Variants in THADA observed in about 807,000 individuals in gnomAD.
THADA encodes the protein THADA armadillo repeat containing.
THADA carries 213 observed loss-of-function variants against 219.8 expected under a neutral mutation model. That is an observed-to-expected ratio of 0.97 (90% CI 0.87 to 1.09). The LOEUF (loss-of-function observed/expected upper bound fraction) is 1.09, where lower values mean the gene tolerates loss of function less well. Among genes scored for constraint, THADA ranks in the 50% least tolerant of loss-of-function variants. THADA has a pLI of 0.00. For missense variants in THADA, 2,956 were observed against 2,311.3 expected, an observed-to-expected ratio of 1.28 and a Z score of -5.72; for synonymous variants, 1,018 against 828.9, an observed-to-expected ratio of 1.23 and a Z score of -3.92.
intron 28 of THADA, among the ~76,000 whole-genome samples, chr2:43,404,333 C>T (rs1317294027): frequency 3.3e-5 from 5 of 151,500 alleles, no homozygotes; most frequent in African/African-American, 7.3e-5. Context: ...GCTGGGATTA[C>T]GGTTGGGTGC....
At chr2:43,452,788 G>A (rs1259041993) in intron 26 of THADA, among the ~76,000 whole-genome samples, 2 of 152,168 alleles carry the variant, frequency 1.3e-5, no homozygotes, top group Non-Finnish European at 2.9e-5. Flanking sequence ...CTAATCATCT[G>A]CTGTTACAAA....
chr2:43,386,131 C>T (rs1672650749), intron 29 of THADA, among the ~76,000 whole-genome samples: 1 of 151,872 alleles, frequency 6.6e-6, no homozygotes, highest in African/African-American at 2.4e-5. Flanking sequence ...CTATAACACA[C>T]AACCCACTAA....
At chr2:43,457,133 T>C (rs1683101245) in intron 26 of THADA, among the ~76,000 whole-genome samples, 1 of 126,152 alleles carries the variant, frequency 7.9e-6, no homozygotes, top group African/African-American at 2.9e-5. Context: ...TTAGGATATC[T>C]ACACACACAC....
At chr2:43,316,079 G>C (rs1324324478) in intron 31 of THADA, among the ~76,000 whole-genome samples, 1 of 152,080 alleles carries the variant, frequency 6.6e-6, no homozygotes, top group Non-Finnish European at 1.5e-5. Flanking sequence ...CTTGATTTGT[G>C]CCCTTACAGC....
chr2:43,403,198 T>G lies in THADA; in HGVS notation c.4059-5059A>C, dbSNP rs952929536. Among the ~76,000 whole-genome samples the G allele has an allele frequency of 2.6e-5, 4 of 152,192 alleles. No homozygotes were observed. The South Asian group carries it at 8.3e-4, about 31-fold the overall frequency. ...CTACAAAATTCAGTCTTTCTAAGAC[T>G]TTACAACGCAGTTGCCTCAAAATCC... On this transcript the variant is annotated intron_variant, in intron 28 of 37. Coordinates refer to ENST00000405975, the MANE Select transcript of THADA (RefSeq NM_022065.5).
Position 43,297,658 on chromosome 2 carries a change from C to T in THADA, c.4439-4445G>A, listed in dbSNP as rs868465516. Among the ~76,000 whole-genome samples the T allele has an allele frequency of 1.3e-3, 126 of 97,794 alleles. 5 individuals are homozygous for T. Among genetic ancestry groups the T allele is most frequent in the South Asian group, 5.1e-3 (14 of 2,726 alleles). 64.2% of individuals were successfully genotyped at this position (97,794 alleles called of 152,430 possible). A position where few individuals can be genotyped will look rare whatever the true frequency, so the allele number is the denominator to read the frequency against. On this transcript the variant is annotated intron_variant, in intron 31 of 37. Transcript: ENST00000405975. ...CCGGGAGGTGAGGGGCGCCTCTGCC[C>T]AGCCACCCCTACTGGGAAGTGAGGA...
In THADA at chr2:43,522,676, C is replaced by T. The variant is rs116078042; in HGVS notation, c.3374+5203G>A. ...ACTTTTTAAATGAGTGTTCAAATAT[C>T]GAGGAAAAACAGTAATATCTGACTC... On this transcript the variant is annotated intron_variant, in intron 22 of 37. Coordinates refer to ENST00000405975, the MANE Select transcript of THADA (RefSeq NM_022065.5). Among the ~76,000 whole-genome samples the T allele has an allele frequency of 6.4e-3, 978 of 152,112 alleles. 9 individuals are homozygous for T. The highest frequency in any genetic ancestry group is 0.044 in the Middle Eastern group (13 of 294).
chr2:43,331,633 T>C (rs1266019795), intron 30 of THADA, among the ~76,000 whole-genome samples: 1 of 152,170 alleles, frequency 6.6e-6, no homozygotes, highest in Non-Finnish European at 1.5e-5. Flanking sequence ...TGGCCCATGA[T>C]ACATCACATG....
intron 14 of THADA, among the ~76,000 whole-genome samples, chr2:43,569,514 G>A (rs1438564745): frequency 6.6e-6 from 1 of 152,128 alleles, no homozygotes; most frequent in Non-Finnish European, 1.5e-5. Flanking sequence ...AGGTTGTGAC[G>A]TCCCAATCTT....
intron 26 of THADA, among the ~76,000 whole-genome samples, chr2:43,454,208 T>A (rs930628834): frequency 6.6e-6 from 1 of 152,180 alleles, no homozygotes; most frequent in African/African-American, 2.4e-5. Flanking sequence ...TAATTGCAAT[T>A]AATATGCACT....
At chr2:43,261,362 T>G (rs1670923566) in intron 36 of THADA, among the ~76,000 whole-genome samples, 1 of 151,690 alleles carries the variant, frequency 6.6e-6, no homozygotes, top group Non-Finnish European at 1.5e-5. Flanking sequence ...TAGCTGGGAC[T>G]ACAGGCATGC....
At chr2:43,413,005 C>A (rs1442844232) in intron 28 of THADA, among the ~76,000 whole-genome samples, 1 of 152,034 alleles carries the variant, frequency 6.6e-6, no homozygotes, top group Non-Finnish European at 1.5e-5. Context: ...TCAATACACA[C>A]AGGGAAAAAA....
chr2:43,235,133 C>G (rs910287678), intron 36 of THADA, among the ~76,000 whole-genome samples: 1 of 150,908 alleles, frequency 6.6e-6, no homozygotes, highest in African/African-American at 2.4e-5. Context: ...GCTCCTGCCA[C>G]CATGGCTGGC....
chr2:43,526,495 A>T (rs998185845), intron 22 of THADA, among the ~76,000 whole-genome samples: 2 of 152,208 alleles, frequency 1.3e-5, no homozygotes, highest in Non-Finnish European at 2.9e-5. Context: ...GCATTAGCAC[A>T]AATTCCACCT....
At chr2:43,362,363 TTAA>T in intron 29 of THADA, among the ~76,000 whole-genome samples, 1 of 152,312 alleles carries the variant, frequency 6.6e-6, no homozygotes, top group East Asian at 1.9e-4. Flanking sequence ...CACATATTAT[TTAA>T]TGACAGGCAT....
At chr2:43,374,308 C>T (rs965612763) in intron 29 of THADA, among the ~76,000 whole-genome samples, 1 of 152,136 alleles carries the variant, frequency 6.6e-6, no homozygotes, top group African/African-American at 2.4e-5. Flanking sequence ...CAGTATGGTA[C>T]TGAAGTTAGG....
At chr2:43,339,689 C>G (rs1666860278) in intron 30 of THADA, among the ~76,000 whole-genome samples, 1 of 152,128 alleles carries the variant, frequency 6.6e-6, no homozygotes, top group South Asian at 2.1e-4. Context: ...GAAGGAGAAA[C>G]TAGATAGCCA....
chr2:43,301,082 G>A (rs1345366600), intron 31 of THADA, among the ~76,000 whole-genome samples: 1 of 152,160 alleles, frequency 6.6e-6, no homozygotes, highest in Non-Finnish European at 1.5e-5. Context: ...TTCAAGTTGG[G>A]CGCAGACAGC....
intron 1 of THADA, among the ~76,000 whole-genome samples, chr2:43,595,433 A>C (rs928824306): frequency 6.6e-6 from 1 of 152,232 alleles, no homozygotes; most frequent in African/African-American, 2.4e-5. Context: ...CTAACTAGGG[A>C]GACTATTCTC....
Sources: gnomAD v4.1 joint callset for allele counts (sites outside exome capture counted in the v4.1 genomes callset) on GRCh38, gnomAD v4.1.1 for gene constraint, MANE v1.5 for transcripts, NCBI Gene and HGNC (gene_info 2026-07-23, HGNC 2026-07-21) for gene names.